DDX54: variants seen among roughly 807,000 people sequenced by gnomAD.
The protein encoded by DDX54 is DEAD-box helicase 54, also known as ATP-dependent RNA helicase DDX54.
A neutral mutation model predicts 105.5 loss-of-function variants in DDX54; 67 were observed. The observed-to-expected ratio is 0.64, with a 90% confidence interval of 0.52 to 0.78. DDX54 has a LOEUF of 0.78. Among genes scored for constraint, DDX54 ranks in the 30% least tolerant of loss-of-function variants. The probability of loss-of-function intolerance (pLI) is 0.00; values close to 1 mark genes in which losing one functional copy is unlikely to be tolerated. For missense variants in DDX54, 1,206 were observed against 1,230.5 expected (o/e 0.98, Z 0.30); for synonymous variants, 514 against 509.9 (o/e 1.01, Z -0.11).
At position 113,174,959 on chromosome 12, in the gene DDX54, T is replaced by G. The variant is rs371906671; in HGVS notation, c.875-23A>C. 1.1e-4 allele frequency: 178 copies of G among 1,612,398 alleles called. 1 individual carries two copies. The African/African-American group carries it at 2.2e-3, about 20-fold the overall frequency. On this transcript the variant is annotated intron_variant, in intron 8 of 19. Coordinates refer to ENST00000306014, the MANE Select transcript of DDX54 (RefSeq NM_024072.4). ...GGCCTGCAGGAGACATGGGGGAAAG[T>G]GGGGGAGTCGCAGAGGGACTGGCCC... is the stretch of plus-strand genomic sequence containing the variant.
intron 10 of DDX54, 110 bp from the exon 11 acceptor site, chr12:113,172,673 G>A: frequency 7.4e-7 from 1 of 1,342,730 alleles, no homozygotes; most frequent in Non-Finnish European, 1.0e-6. Context: ...CAAGACCACG[G>A]GTTCTGGAGT....
chr12:113,184,574 C>A (rs1056522866), intron 1 of DDX54, among the ~76,000 whole-genome samples: 4 of 152,084 alleles, frequency 2.6e-5, no homozygotes, highest in African/African-American at 7.2e-5. Context: ...CTGTTAATCC[C>A]AACACTTTGG....
At chr12:113,180,085 C>T (rs1257444671) in intron 2 of DDX54, 80 bp from the exon 3 acceptor site, 4 of 1,292,606 alleles carry the variant, frequency 3.1e-6, no homozygotes, top group Admixed American at 1.7e-5. Flanking sequence ...GGACAAATGA[C>T]AGCTTCATCA....
At position 113,185,467 on chromosome 12, in the gene DDX54, G is replaced by C; in HGVS notation, c.-16C>G. Reference sequence around the variant, plus strand: ...CGGCCGCCATTCGGGCCGCGCGCTGGGAACGCAGAAGGGGGCGTGGCCTGA... The same window carrying C: ...CGGCCGCCATTCGGGCCGCGCGCTGCGAACGCAGAAGGGGGCGTGGCCTGA... On this transcript the variant is annotated 5_prime_UTR_variant, in exon 1 of 20. Coordinates refer to ENST00000306014, the MANE Select transcript of DDX54 (RefSeq NM_024072.4). 2.0e-6 allele frequency: 3 copies of C among 1,493,598 alleles called. No individual in the cohort carries two copies. Among genetic ancestry groups the C allele is most frequent in the Non-Finnish European group, 2.7e-6 (3 of 1,125,702 alleles). 92.5% of individuals were successfully genotyped at this position (1,493,598 alleles called of 1,614,324 possible). A position where few individuals can be genotyped will look rare whatever the true frequency, so the allele number is the denominator to read the frequency against.
chr12:113,165,879 C>A lies in DDX54; in HGVS notation c.1568G>T (p.Arg523Leu), dbSNP rs138126139. 9.9e-6 allele frequency: 16 copies of A among 1,613,648 alleles called. No homozygotes were observed. Among genetic ancestry groups the A allele is most frequent in the Non-Finnish European group, 1.2e-5 (14 of 1,179,994 alleles). Reference sequence around the variant, plus strand: ...GATGGACTCAGGCGAGGGCGCCGGGCGTGAGCGCACATACTGCTGCTGGGC... The same window carrying A: ...GATGGACTCAGGCGAGGGCGCCGGGAGTGAGCGCACATACTGCTGCTGGGC... ...DNAQQQYVRS[R>L]PAPSPESIKR... The change falls in exon 13 of 20, where the codon CGC becomes CTC. Residue 523 changes from arginine to leucine, a missense_variant. Coordinates refer to ENST00000306014, the MANE Select transcript of DDX54 (RefSeq NM_024072.4).
rs371214125 is a variant in DDX54 at position 113,179,253 on chromosome 12, G to A, written c.454C>T (p.Leu152Phe). ...TGSGKTACFL[L>F]PMFERLKTHS... Reference sequence around the variant, plus strand: ...GTCTTGAGCCGCTCGAACATTGGGAGGAGGAAGCAGGCTGTCTTGCCACTG... The same window carrying A: ...GTCTTGAGCCGCTCGAACATTGGGAAGAGGAAGCAGGCTGTCTTGCCACTG... The change falls in exon 4 of 20, where the codon CTC (leucine) becomes TTC (phenylalanine). Residue 152 changes from leucine (L) to phenylalanine (F), a missense_variant. Coordinates refer to ENST00000306014, the MANE Select transcript of DDX54 (RefSeq NM_024072.4). The A allele has an allele frequency of 6.2e-7, 1 of 1,614,148 alleles. No individual in the cohort carries two copies. Among genetic ancestry groups the A allele is most frequent in the Non-Finnish European group, 8.5e-7 (1 of 1,180,020 alleles).
chr12:113,171,211 AAAG>A (rs1392994385), intron 11 of DDX54, among the ~76,000 whole-genome samples: 1 of 152,242 alleles, frequency 6.6e-6, no homozygotes, highest in African/African-American at 2.4e-5. Flanking sequence ...TTATGAATTA[AAAG>A]AAGGCAAAGA....
In DDX54 at chr12:113,159,019, C is replaced by T. The variant is rs1489357824; in HGVS notation, c.2504G>A (p.Arg835Gln). The T allele has an allele frequency of 1.1e-5, 17 of 1,611,622 alleles. 1 individual carries two copies. The highest frequency in any genetic ancestry group is 3.3e-5 in the Admixed American group (2 of 59,900). Reference protein sequence around the residue: ...TKQQILKQRRRAQKLHFLQRG... With the variant: ...TKQQILKQRRQAQKLHFLQRG... ...CTGCAGGAAGTGCAGCTTCTGGGCC[C>T]GGCGCCGCTGCTTCAGGATCTGCTG... The change falls in exon 20 of 20, where the codon CGG becomes CAG. Residue 835 changes from arginine (R) to glutamine (Q), a missense_variant. This residue lies in a region of DDX54 where 961 missense variants were observed against 1,019.1 expected (regional missense o/e 0.94). Coordinates refer to ENST00000306014, the MANE Select transcript of DDX54 (RefSeq NM_024072.4).
intron 11 of DDX54, 65 bp from the exon 12 acceptor site, chr12:113,169,969 C>T (rs1352984843): frequency 1.3e-5 from 20 of 1,590,992 alleles, no homozygotes; most frequent in Non-Finnish European, 1.6e-5. Context: ...ATGAGTTCCA[C>T]AGGCCAGACC....
At chr12:113,159,685 A>G (rs1391804372) in intron 19 of DDX54, among the ~76,000 whole-genome samples, 2 of 152,104 alleles carry the variant, frequency 1.3e-5, no homozygotes, top group Non-Finnish European at 2.9e-5. Context: ...TGGGAGAGGA[A>G]TCAAAGAAGG....
In DDX54 at chr12:113,157,804, G is replaced by C. The variant is rs1033816348; in HGVS notation, c.*1073C>G. On this transcript the variant is annotated 3_prime_UTR_variant, in exon 20 of 20. Coordinates refer to ENST00000306014, the MANE Select transcript of DDX54 (RefSeq NM_024072.4). ...AATCCGTTTCCTCATTGGGAAGATGGGAGGGCTGTGCCTGTTCAGAGTGCT... is the reference window on the plus strand; with the variant it reads ...AATCCGTTTCCTCATTGGGAAGATGCGAGGGCTGTGCCTGTTCAGAGTGCT... The C allele has an allele frequency of 5.0e-6, 4 of 801,334 alleles. No individual in the cohort carries two copies. Among genetic ancestry groups the C allele is most frequent in the East Asian group, 2.7e-5 (1 of 37,214 alleles). 49.6% of individuals were successfully genotyped at this position (801,334 alleles called of 1,614,324 possible).
chr12:113,168,565 G>T (rs1442785147), intron 12 of DDX54, among the ~76,000 whole-genome samples: 1 of 152,362 alleles, frequency 6.6e-6, no homozygotes, highest in South Asian at 2.1e-4. Context: ...ATAGTTGGAG[G>T]CCCACAGATG....
In DDX54 at chr12:113,185,378, C is replaced by A; in HGVS notation, c.74G>T (p.Gly25Val). Residue 25 changes from glycine (G) to valine (V), a missense_variant, in exon 1 of 20, where the codon GGG (glycine) becomes GTG (valine). Around this residue, in one of 3 missense-constraint regions of DDX54, gnomAD observed 212 missense variants for 155.4 expected, o/e 1.36. Coordinates refer to ENST00000306014, the MANE Select transcript of DDX54 (RefSeq NM_024072.4). ...GGCCGCGCCTCGGCGCTTCCGGAGCCCTTTCTTCTTCCTCCACTGGGCCAT... is the reference window on the plus strand; with the variant it reads ...GGCCGCGCCTCGGCGCTTCCGGAGCACTTTCTTCTTCCTCCACTGGGCCAT... ...AAMAQWRKKK[G>V]LRKRRGAASQ... The A allele has an allele frequency of 1.9e-6, 3 of 1,569,384 alleles. No individual in the cohort carries two copies. The highest frequency in any genetic ancestry group is 2.6e-6 in the Non-Finnish European group (3 of 1,160,464).
At chr12:113,184,091 C>T (rs1380784947) in intron 1 of DDX54, among the ~76,000 whole-genome samples, 1 of 152,182 alleles carries the variant, frequency 6.6e-6, no homozygotes, top group Non-Finnish European at 1.5e-5. Flanking sequence ...GGATTACAGG[C>T]ACATGCCACC....
Position 113,161,974 on chromosome 12 carries a change from A to C in DDX54, c.2219T>G (p.Val740Gly). 1 of 1,612,974 alleles carries C rather than the reference A, an allele frequency of 6.2e-7. No homozygotes were observed. The highest frequency in any genetic ancestry group is 1.3e-5 in the African/African-American group (1 of 74,886). ...CTTGTCTTCCTGTCCTGACTGTCCC[A>C]CAAACCGCTTCTTCTTACGGTCCCT... ...LKWDRKKKRFVGQSGQEDKKK... is the reference protein window; with the variant it reads ...LKWDRKKKRFGGQSGQEDKKK... The change falls in exon 18 of 20, where the codon GTG becomes GGG. Residue 740 changes from valine to glycine, a missense_variant. Coordinates refer to ENST00000306014, the MANE Select transcript of DDX54 (RefSeq NM_024072.4).
At chr12:113,170,417 A>C (rs1412589247) in intron 11 of DDX54, among the ~76,000 whole-genome samples, 1 of 152,078 alleles carries the variant, frequency 6.6e-6, no homozygotes, top group Non-Finnish European at 1.5e-5. Flanking sequence ...GAGGTGGGAG[A>C]ATCACTTGAG....
At chr12:113,172,038 A>C (rs189534605) in intron 11 of DDX54, among the ~76,000 whole-genome samples, 1 of 152,278 alleles carries the variant, frequency 6.6e-6, no homozygotes, top group Non-Finnish European at 1.5e-5. Flanking sequence ...TAACTTATTG[A>C]ATACTGTACT....
In DDX54 at chr12:113,163,334, T is replaced by G; in HGVS notation, c.1939-60A>C. On this transcript the variant is annotated intron_variant, in intron 15 of 19. Coordinates refer to ENST00000306014, the MANE Select transcript of DDX54 (RefSeq NM_024072.4). This position sits in a 1 kb window ranked among gnomAD's most constrained non-coding sequence, Gnocchi z 5.9. ...CTGCTGCCCCCTGGGGACTTCCCCC[T>G]GCCTCCCTACCCACCAGCCTGGCCA... 1 of 1,558,434 alleles carries G rather than the reference T, an allele frequency of 6.4e-7. No homozygotes were observed.
intron 1 of DDX54, among the ~76,000 whole-genome samples, chr12:113,182,755 C>T (rs1048403590): frequency 2.1e-4 from 32 of 151,940 alleles, no homozygotes; most frequent in African/African-American, 7.5e-4. Context: ...TGGGGTTTCA[C>T]CATGTTGGCC....
Sources: gnomAD v4.1 joint callset for allele counts (sites outside exome capture counted in the v4.1 genomes callset) on GRCh38, gnomAD v4.1.1 for gene constraint, gnomAD v4.1.1 regional missense constraint, Gnocchi (gnomAD v3.1) non-coding constraint, MANE v1.5 for transcripts, NCBI Gene and HGNC (gene_info 2026-07-23, HGNC 2026-07-21) for gene names.